The following LHX8 variants were observed in gnomAD, a reference collection of about 807,000 sequenced individuals.
LHX8 encodes the protein LIM/homeobox protein Lhx8.
A neutral mutation model predicts 40.3 loss-of-function variants in LHX8; 12 were observed. That is an observed-to-expected ratio of 0.30 (90% CI 0.19 to 0.48). LHX8 has a LOEUF of 0.48. Ranked by LOEUF, LHX8 falls within the 20% of genes least tolerant of loss-of-function variation. The probability of loss-of-function intolerance (pLI) is 0.99; values close to 1 mark genes in which losing one functional copy is unlikely to be tolerated. For missense variants in LHX8, 344 were observed against 433.7 expected, an observed-to-expected ratio of 0.79 and a Z score of 1.84; for synonymous variants, 179 against 162.0, an observed-to-expected ratio of 1.10 and a Z score of -0.80.
chr1:75,135,674 G>C (rs1357899430), intron 1 of LHX8, among the ~76,000 whole-genome samples: 1 of 152,208 alleles, frequency 6.6e-6, no homozygotes, highest in Non-Finnish European at 1.5e-5. Context: ...GGGACGCTGC[G>C]TTTTCGTTTA....
chr1:75,189,441 A>G, the LHX8 span, among the ~76,000 whole-genome samples: 1 of 152,224 alleles, frequency 6.6e-6, no homozygotes, highest in Non-Finnish European at 1.5e-5. Flanking sequence ...GTGAAGAGAA[A>G]GGAACTAGCA....
rs1648066245 is a variant in LHX8, at chr1:75,134,603, G to A, written c.-364G>A. On this transcript the variant is annotated 5_prime_UTR_variant, in exon 1 of 9. Transcript: ENST00000356261. Reference sequence around the variant, plus strand: ...ACCCTCTGGAGTTGGTATGTGATAAGCAGCCCTAGCAGTGCCATGTATTGG... The same window carrying A: ...ACCCTCTGGAGTTGGTATGTGATAAACAGCCCTAGCAGTGCCATGTATTGG... 6.6e-6 allele frequency among the ~76,000 whole-genome samples: 1 copy of A among 152,092 alleles called. No homozygotes were observed. The highest frequency in any genetic ancestry group is 2.4e-5 in the African/African-American group (1 of 41,428).
chr1:75,178,908 T>A, the LHX8 span, among the ~76,000 whole-genome samples: 3 of 152,238 alleles, frequency 2.0e-5, no homozygotes, highest in Non-Finnish European at 4.4e-5. Flanking sequence ...ACATCTTTAT[T>A]TCTGCCTTCA....
At chr1:75,179,203 T>C in the LHX8 span, among the ~76,000 whole-genome samples, 1 of 152,134 alleles carries the variant, frequency 6.6e-6, no homozygotes, top group Admixed American at 6.6e-5. Context: ...TGGTTCAAAG[T>C]CAAGTTCAAG....
At chr1:75,136,183 C>T (rs1225368528) in intron 1 of LHX8, among the ~76,000 whole-genome samples, 2 of 152,152 alleles carry the variant, frequency 1.3e-5, no homozygotes, top group Non-Finnish European at 2.9e-5. Flanking sequence ...CCTCAATCCT[C>T]TTTTCTTCTC....
chr1:75,169,104 G>T, the LHX8 span, among the ~76,000 whole-genome samples: 1 of 152,020 alleles, frequency 6.6e-6, no homozygotes, highest in African/African-American at 2.4e-5. Context: ...CACTTTTCAT[G>T]GGGTGGCCAC....
intron 1 of LHX8, among the ~76,000 whole-genome samples, chr1:75,136,098 C>T (rs1246744501): frequency 6.6e-6 from 1 of 152,150 alleles, no homozygotes; most frequent in East Asian, 1.9e-4. Context: ...AAAAAGCCCC[C>T]TTTTTAAAAT....
intron 7 of LHX8, among the ~76,000 whole-genome samples, chr1:75,154,739 A>T (rs569441589): frequency 3.9e-5 from 6 of 151,962 alleles, no homozygotes; most frequent in African/African-American, 1.4e-4. Context: ...TCTCACTAAC[A>T]CTCCAGAGAA....
chr1:75,191,874 C>G, the LHX8 span, among the ~76,000 whole-genome samples: 6 of 152,100 alleles, frequency 3.9e-5, no homozygotes, highest in African/African-American at 1.4e-4. Flanking sequence ...CTGCCCAAAG[C>G]CAAGTATGTC....
At chr1:75,172,962 C>A in the LHX8 span, among the ~76,000 whole-genome samples, 1 of 152,238 alleles carries the variant, frequency 6.6e-6, no homozygotes, top group Non-Finnish European at 1.5e-5. Flanking sequence ...AAATAACTCT[C>A]AGCTGGAAAC....
At chr1:75,179,510 T>TG in the LHX8 span, among the ~76,000 whole-genome samples, 8 of 149,484 alleles carry the variant, frequency 5.4e-5, no homozygotes, top group East Asian at 1.9e-4. Flanking sequence ...TTGTTTTTTT[T>TG]TTTTTTTTTT....
chr1:75,159,109 T>A (rs2100364859), intron 8 of LHX8, among the ~76,000 whole-genome samples: 1 of 152,276 alleles, frequency 6.6e-6, no homozygotes, highest in Middle Eastern at 3.4e-3. Flanking sequence ...TAAGTGGTAT[T>A]TTCTCTATAA....
At chr1:75,149,736 A>G (rs1040516531) in intron 7 of LHX8, among the ~76,000 whole-genome samples, 2 of 152,122 alleles carry the variant, frequency 1.3e-5, no homozygotes, top group Admixed American at 1.3e-4. Flanking sequence ...TTGTAGAAAC[A>G]GAGTCTCACC....
At chr1:75,143,058 A>G (rs1648359824) in intron 4 of LHX8, 60 bp from the exon 5 acceptor site, 2 of 1,285,594 alleles carry the variant, frequency 1.6e-6, no homozygotes, top group East Asian at 4.6e-5. Context: ...TTAATATTCG[A>G]CTGATGAATA....
At chr1:75,145,573 T>C (rs539635098) in intron 6 of LHX8, among the ~76,000 whole-genome samples, 14 of 152,236 alleles carry the variant, frequency 9.2e-5, no homozygotes, top group African/African-American at 3.4e-4. Context: ...CCTTTAACTT[T>C]TACAACAAAC....
chr1:75,182,767 G>C, the LHX8 span, among the ~76,000 whole-genome samples: 1 of 152,182 alleles, frequency 6.6e-6, no homozygotes, highest in African/African-American at 2.4e-5. Context: ...CTCTAGGTTT[G>C]TTCTTTTTGC....
At chr1:75,136,200 T>TCCACCTCCCACTGCCCCGCACC (rs1648121120) in intron 1 of LHX8, among the ~76,000 whole-genome samples, 1 of 151,990 alleles carries the variant, frequency 6.6e-6, no homozygotes, top group Admixed American at 6.6e-5. Flanking sequence ...TCTCTCGCAC[T>TCCACCTCCCACTGCCCCGCACC]CCACCTCCCA....
intron 8 of LHX8, 60 bp from the exon 9 acceptor site, chr1:75,160,759 T>G (rs528109780): frequency 5.3e-6 from 6 of 1,123,616 alleles, no homozygotes; most frequent in Admixed American, 1.7e-5. Flanking sequence ...TTTTGTTTGT[T>G]TATAAATCAG....
At chr1:75,155,462 C>T (rs1334603534) in intron 7 of LHX8, among the ~76,000 whole-genome samples, 2 of 152,040 alleles carry the variant, frequency 1.3e-5, no homozygotes. Flanking sequence ...TCTCGATCTC[C>T]TGACCTTGTG....
Sources: allele counts gnomAD v4.1 joint callset (sites outside exome capture counted in the v4.1 genomes callset), GRCh38; gene constraint gnomAD v4.1.1; transcripts MANE v1.5; gene names NCBI Gene and HGNC (gene_info 2026-07-23, HGNC 2026-07-21).